DCC: variants seen among roughly 807,000 people sequenced by gnomAD.
DCC encodes the protein netrin receptor DCC.
A neutral mutation model predicts 172.5 loss-of-function variants in DCC; 58 were observed. The ratio of observed to expected loss-of-function variants is 0.34; its 90% confidence interval spans 0.27 to 0.42. The LOEUF is 0.42. DCC is among the 10% of genes least tolerant of loss of function. The pLI is 1.00. For missense variants in DCC, 1,740 were observed against 1,791.0 expected (o/e 0.97, Z 0.51); for synonymous variants, 709 against 644.5 (o/e 1.10, Z -1.52).
Position 53,402,664 on chromosome 18 carries a change from G to T in DCC, c.2828-122G>T, listed in dbSNP as rs576008955. ...AAATCCTTGAAATAAACTGTAAATG[G>T]CAAAATAGACATGATATACTTCTTG... On this transcript the variant is annotated intron_variant, in intron 18 of 28. Coordinates refer to ENST00000442544, the MANE Select transcript of DCC (RefSeq NM_005215.4). The T allele has an allele frequency of 1.0e-5, 8 of 797,642 alleles. No homozygotes were observed. The East Asian group carries it at 1.2e-4, about 12-fold the overall frequency. The allele number at this position is 797,642 out of a possible 1,614,324, so 49.4% of individuals were successfully genotyped here. A position where few individuals can be genotyped will look rare whatever the true frequency, so the allele number is the denominator to read the frequency against.
chr18:53,248,440 T>G (rs927137440), intron 12 of DCC, among the ~76,000 whole-genome samples: 1 of 151,972 alleles, frequency 6.6e-6, no homozygotes, highest in African/African-American at 2.4e-5. Context: ...GGAAAACCAC[T>G]TTCACTCTCT....
chr18:52,885,853 G>T (rs552217148), intron 2 of DCC, among the ~76,000 whole-genome samples: 7 of 152,098 alleles, frequency 4.6e-5, no homozygotes, highest in African/African-American at 1.7e-4. Context: ...GGGCTTAAGG[G>T]CTCTTTAGTC....
chr18:53,239,413 T>C (rs1278714670), intron 12 of DCC, among the ~76,000 whole-genome samples: 2 of 152,102 alleles, frequency 1.3e-5, no homozygotes, highest in South Asian at 4.1e-4. Context: ...GTTTTCTTCC[T>C]TGTTTCCAGT....
intron 1 of DCC, among the ~76,000 whole-genome samples, chr18:52,368,925 T>A (rs1984995532): frequency 6.6e-6 from 1 of 152,316 alleles, no homozygotes; most frequent in South Asian, 2.1e-4. Flanking sequence ...GTATGTATCA[T>A]GATGCAAATC....
rs373126907 is a variant in DCC at position 53,411,619 on chromosome 18, C to G, written c.3130+973C>G. ...TCCTCAAATCTTCTAGGAAAGGTACCCTAGTAAATAAGGGACTTTTGAATT... is the reference window on the plus strand; with the variant it reads ...TCCTCAAATCTTCTAGGAAAGGTACGCTAGTAAATAAGGGACTTTTGAATT... On this transcript the variant is annotated intron_variant, in intron 20 of 28. Coordinates refer to ENST00000442544, the MANE Select transcript of DCC (RefSeq NM_005215.4). 1.4e-3 allele frequency among the ~76,000 whole-genome samples: 220 copies of G among 152,120 alleles called. 3 individuals are homozygous for G. Among genetic ancestry groups the G allele is most frequent in the Middle Eastern group, 6.8e-3 (2 of 294 alleles).
intron 1 of DCC, among the ~76,000 whole-genome samples, chr18:52,697,664 C>A (rs1191944566): frequency 2.6e-5 from 4 of 152,090 alleles, no homozygotes; most frequent in African/African-American, 9.7e-5. Flanking sequence ...GGAAAATAAT[C>A]ACATTTTTAA....
intron 11 of DCC, among the ~76,000 whole-genome samples, chr18:53,211,724 A>AAAAAT (rs887206339): frequency 9.9e-5 from 15 of 152,186 alleles, no homozygotes; most frequent in East Asian, 5.8e-4. Flanking sequence ...ACTCTGTCTC[A>AAAAAT]AAAATAAAAT....
chr18:53,123,050 A>G (rs8094068), intron 7 of DCC, among the ~76,000 whole-genome samples: 3,284 of 152,158 alleles, frequency 0.022, 39 homozygotes, highest in Middle Eastern at 0.027. Context: ...CAAAACAGGC[A>G]TTGCATCCAC....
At chr18:52,348,447 A>G (rs1259924061) in intron 1 of DCC, among the ~76,000 whole-genome samples, 1 of 152,172 alleles carries the variant, frequency 6.6e-6, no homozygotes, top group Non-Finnish European at 1.5e-5. Context: ...TCTTTGCTTC[A>G]TGCCTCTGCC....
chr18:53,281,084 C>A (rs1406585163), intron 12 of DCC, among the ~76,000 whole-genome samples: 1 of 152,014 alleles, frequency 6.6e-6, no homozygotes, highest in African/African-American at 2.4e-5. Flanking sequence ...TGCTCAGAAT[C>A]TTGAAATTGT....
Position 53,226,948 on chromosome 18 carries a change from A to ATATATATTTTTTTTT in DCC, c.1911+11352_1911+11353insATATATTTTTTTTTT. Among the ~76,000 whole-genome samples, 9 of 52,954 alleles carry ATATATATTTTTTTTT rather than the reference A, an allele frequency of 1.7e-4. 1 individual carries two copies. The highest frequency in any genetic ancestry group is 5.7e-4 in the African/African-American group (6 of 10,618). The allele number at this position is 52,954 out of a possible 152,430, so 34.7% of individuals were successfully genotyped here. Reference sequence around the variant, plus strand: ...TGTGTGTGTGTGTATATATATATATATTTTTTTTTTTTTTTTTTTGAGGCA... The same window carrying ATATATATTTTTTTTT: ...TGTGTGTGTGTGTATATATATATATATATATATTTTTTTTTTTTTTTTTTTTTTTTTTTTGAGGCA... On this transcript the variant is annotated intron_variant, in intron 12 of 28. Coordinates refer to ENST00000442544, the MANE Select transcript of DCC (RefSeq NM_005215.4).
Position 53,283,357 on chromosome 18 carries a change from T to C in DCC, c.1912-22221T>C, listed in dbSNP as rs549315376. On this transcript the variant is annotated intron_variant, in intron 12 of 28. Coordinates refer to ENST00000442544, the MANE Select transcript of DCC (RefSeq NM_005215.4). ...CCAGGAAAGAAAGAAGGACTCATTT[T>C]CTTCATTTTTTCTTCCTTCCCCTAT... is the stretch of plus-strand genomic sequence containing the variant. Among the ~76,000 whole-genome samples, 3 of 152,254 alleles carry C rather than the reference T, an allele frequency of 2.0e-5. No individual in the cohort carries two copies. In the East Asian group the frequency reaches 5.8e-4, roughly 29 times the overall value.
At chr18:53,136,375 A>G (rs1347118847) in intron 7 of DCC, among the ~76,000 whole-genome samples, 2 of 152,124 alleles carry the variant, frequency 1.3e-5, no homozygotes, top group Non-Finnish European at 2.9e-5. Flanking sequence ...TGTCATGGCC[A>G]TGCTAACAAT....
intron 1 of DCC, among the ~76,000 whole-genome samples, chr18:52,643,813 A>C (rs962005452): frequency 6.6e-6 from 1 of 152,220 alleles, no homozygotes; most frequent in African/African-American, 2.4e-5. Context: ...GGAGAAGAAG[A>C]AGCCCTCCTT....
intron 1 of DCC, among the ~76,000 whole-genome samples, chr18:52,443,382 A>C (rs960748291): frequency 4.0e-4 from 61 of 152,186 alleles, no homozygotes; most frequent in Non-Finnish European, 7.6e-4. Context: ...TCTATTGAAG[A>C]GAGACAAGCA....
At chr18:52,373,491 A>G (rs1457156720) in intron 1 of DCC, among the ~76,000 whole-genome samples, 1 of 152,208 alleles carries the variant, frequency 6.6e-6, no homozygotes, top group Non-Finnish European at 1.5e-5. Flanking sequence ...ATTTTGCTGT[A>G]TATTTAAAAT....
chr18:52,578,697 G>T lies in DCC; in HGVS notation c.92-173357G>T, dbSNP rs540315479. 2.0e-5 allele frequency among the ~76,000 whole-genome samples: 3 copies of T among 152,252 alleles called. No individual in the cohort carries two copies. In the South Asian group the frequency reaches 6.2e-4, roughly 32 times the overall value. ...CACACTAAAAGAAAATTACTTAAAA[G>T]TGTATTCCAAAACAAAATTAGAGGC... On this transcript the variant is annotated intron_variant, in intron 1 of 28. Transcript: ENST00000442544.
At chr18:53,440,252 A>G (rs1406054373) in intron 22 of DCC, among the ~76,000 whole-genome samples, 1 of 152,308 alleles carries the variant, frequency 6.6e-6, no homozygotes, top group Non-Finnish European at 1.5e-5. Flanking sequence ...CCTTTTTTCT[A>G]TAGCTCTACC....
At chr18:52,961,257 G>A (rs922545953) in intron 5 of DCC, among the ~76,000 whole-genome samples, 4 of 151,964 alleles carry the variant, frequency 2.6e-5, no homozygotes, top group East Asian at 1.9e-4. Flanking sequence ...AAACCTGCAC[G>A]TTGTGCACAT....
Sources: gnomAD v4.1 joint callset for allele counts (sites outside exome capture counted in the v4.1 genomes callset) on GRCh38, gnomAD v4.1.1 for gene constraint, MANE v1.5 for transcripts, NCBI Gene and HGNC (gene_info 2026-07-23, HGNC 2026-07-21) for gene names.